MMS22L: variants seen among roughly 807,000 people sequenced by gnomAD.
MMS22L encodes protein MMS22-like.
In MMS22L, 74 loss-of-function variants were observed where a neutral mutation model predicts 159.1. The observed-to-expected ratio is 0.47, with a 90% CI of 0.39 to 0.56. The LOEUF is 0.56. Among genes scored for constraint, MMS22L ranks in the 20% least tolerant of loss-of-function variants. MMS22L has a pLI of 0.00. For missense variants in MMS22L, 1,351 were observed against 1,422.1 expected (o/e 0.95, Z 0.80); for synonymous variants, 517 against 506.9 (o/e 1.02, Z -0.27).
At chr6:97,249,208 T>G (rs998654566) in intron 10 of MMS22L, among the ~76,000 whole-genome samples, 3 of 152,194 alleles carry the variant, frequency 2.0e-5, no homozygotes, top group Admixed American at 2.0e-4. Flanking sequence ...CAACACTCCC[T>G]GCATACTGTC....
chr6:97,267,822 G>C (rs749696070), intron 8 of MMS22L, 50 bp downstream of exon 8: 3 of 1,486,398 alleles, frequency 2.0e-6, no homozygotes, highest in Non-Finnish European at 2.7e-6. Context: ...ATGCATTAAG[G>C]ACTGAATACT....
At chr6:97,160,130 TTAAGA>T (rs1055175864) in intron 22 of MMS22L, among the ~76,000 whole-genome samples, 3 of 151,830 alleles carry the variant, frequency 2.0e-5, no homozygotes, top group African/African-American at 7.2e-5. Context: ...TAAAAACCAG[TTAAGA>T]TAATAAAGAT....
At chr6:97,200,826 A>G (rs572595914) in intron 14 of MMS22L, among the ~76,000 whole-genome samples, 214 of 152,250 alleles carry the variant, frequency 1.4e-3, no homozygotes, top group Middle Eastern at 6.8e-3. Flanking sequence ...CTTTGTTACC[A>G]TCCTGTGAAT....
chr6:97,226,852 AG>A (rs1466883304), intron 14 of MMS22L, among the ~76,000 whole-genome samples: 1 of 152,042 alleles, frequency 6.6e-6, no homozygotes, highest in East Asian at 1.9e-4. Context: ...AGTTGTCTTG[AG>A]CACTGTAGAG....
intron 18 of MMS22L, among the ~76,000 whole-genome samples, chr6:97,175,187 T>G (rs1803995131): frequency 6.6e-6 from 1 of 152,214 alleles, no homozygotes; most frequent in African/African-American, 2.4e-5. Flanking sequence ...AGTGAAAGAC[T>G]ATTTCCCAAA....
chr6:97,181,753 G>A lies in MMS22L; in HGVS notation c.2384+151C>T, dbSNP rs544542339. ...TAGTGTTCTTACTATTACTACTGTC[G>A]AAAGGCTGATATATCTGAAAGCAAA... On this transcript the variant is annotated intron_variant, in intron 16 of 24. Transcript: ENST00000683635. 721 of 665,660 alleles carry A rather than the reference G, an allele frequency of 1.1e-3. 1 individual carries two copies. The highest frequency in any genetic ancestry group is 1.4e-3 in the Non-Finnish European group (611 of 440,018). 41.2% of individuals were successfully genotyped at this position (665,660 alleles called of 1,614,324 possible).
chr6:97,192,167 CGGAT>C (rs111699319), intron 14 of MMS22L, among the ~76,000 whole-genome samples: 62,925 of 148,150 alleles, frequency 0.42, 13,552 homozygotes, highest in South Asian at 0.53. Context: ...AGGTGGTAGA[CGGAT>C]GGATGGATGG....
intron 14 of MMS22L, among the ~76,000 whole-genome samples, chr6:97,197,080 C>T (rs189552257): frequency 2.6e-5 from 4 of 152,154 alleles, no homozygotes; most frequent in East Asian, 1.9e-4. Context: ...AAAATTTTCA[C>T]GCTGGATGTT....
chr6:97,175,143 T>C (rs1421606875), intron 18 of MMS22L, among the ~76,000 whole-genome samples: 1 of 152,188 alleles, frequency 6.6e-6, no homozygotes, highest in Non-Finnish European at 1.5e-5. Flanking sequence ...CATTGAAAAG[T>C]GATAATGAAC....
In MMS22L at chr6:97,275,656, GA is replaced by G. The variant is rs536933292; in HGVS notation, c.341-2595del. 9.9e-5 allele frequency among the ~76,000 whole-genome samples: 15 copies of G among 151,984 alleles called. No homozygotes were observed. The East Asian group carries it at 2.3e-3, about 23-fold the overall frequency. On this transcript the variant is annotated intron_variant, in intron 4 of 24. Transcript: ENST00000683635. ...AAAAAATCCATAAGGAATGTCTAGA[GA>G]AAAAAAACACACACACAATAGCTGA...
chr6:97,145,966 A>G lies in MMS22L; in HGVS notation c.*840T>C, dbSNP rs1428703466. On this transcript the variant is annotated 3_prime_UTR_variant, in exon 25 of 25. Coordinates refer to ENST00000683635, the MANE Select transcript of MMS22L (RefSeq NM_001350599.2). Reference sequence around the variant, plus strand: ...GGTTTCTTGGATAAAATGCTAAGTTATAAGAAGCTCTGGCTAAAGAGCAAG... The same window carrying G: ...GGTTTCTTGGATAAAATGCTAAGTTGTAAGAAGCTCTGGCTAAAGAGCAAG... The G allele has an allele frequency of 6.6e-6, 1 of 152,204 alleles. No homozygotes were observed. The highest frequency in any genetic ancestry group is 2.4e-5 in the African/African-American group (1 of 41,472). 9.4% of individuals were successfully genotyped at this position (152,204 alleles called of 1,614,324 possible).
chr6:97,244,923 G>A (rs1175958679), intron 11 of MMS22L, among the ~76,000 whole-genome samples: 3 of 151,924 alleles, frequency 2.0e-5, no homozygotes, highest in Admixed American at 6.6e-5. Flanking sequence ...AATTATGTTC[G>A]AAGGGGAATT....
chr6:97,168,271 T>C (rs1803183042), intron 19 of MMS22L, 31 bp from the exon 20 acceptor site: 1 of 1,603,992 alleles, frequency 6.2e-7, no homozygotes, highest in Middle Eastern at 1.7e-4. Flanking sequence ...CAGCATGTTG[T>C]TGTTATCCTC....
intron 15 of MMS22L, 54 bp from the exon 16 acceptor site, chr6:97,182,108 G>A: frequency 6.8e-7 from 1 of 1,469,778 alleles, no homozygotes; most frequent in Non-Finnish European, 9.2e-7. Context: ...AACCATTTCT[G>A]ACCCACACAC....
At chr6:97,215,997 G>A (rs1405841505) in intron 14 of MMS22L, among the ~76,000 whole-genome samples, 1 of 152,068 alleles carries the variant, frequency 6.6e-6, no homozygotes, top group Non-Finnish European at 1.5e-5. Context: ...GAAATTAAGA[G>A]TTTCAAATGC....
rs141038891 is a variant in MMS22L at position 97,269,918 on chromosome 6, C to T, written c.681G>A (p.Met227Ile). Residue 227 changes from methionine (M) to isoleucine (I), a missense_variant, in exon 7 of 25, where the codon ATG becomes ATA. Coordinates refer to ENST00000683635, the MANE Select transcript of MMS22L (RefSeq NM_001350599.2). ...IHWLVLEILY[M>I]LGEKLKQVVY... ...TAAACTTACTCAATTTTTCACCCAG[C>T]ATGTAAAGAATTTCTAGCACCAGCC... is the stretch of plus-strand genomic sequence containing the variant. 3.3e-4 allele frequency: 526 copies of T among 1,608,680 alleles called. 2 individuals are homozygous for T. Among genetic ancestry groups the T allele is most frequent in the Non-Finnish European group, 4.0e-4 (472 of 1,176,834 alleles).
chr6:97,269,929 T>C lies in MMS22L; in HGVS notation c.670A>G (p.Ile224Val), dbSNP rs567384769. ...HLDIHWLVLEILYMLGEKLKQ... is the reference protein window; with the variant it reads ...HLDIHWLVLEVLYMLGEKLKQ... Reference sequence around the variant, plus strand: ...AATTTTTCACCCAGCATGTAAAGAATTTCTAGCACCAGCCAATGTATATCC... The same window carrying C: ...AATTTTTCACCCAGCATGTAAAGAACTTCTAGCACCAGCCAATGTATATCC... Residue 224 changes from isoleucine (I) to valine (V), a missense_variant, in exon 7 of 25, where the codon ATT (isoleucine) becomes GTT (valine). Transcript: ENST00000683635. 3.1e-6 allele frequency: 5 copies of C among 1,611,728 alleles called. No individual in the cohort carries two copies. The highest frequency in any genetic ancestry group is 2.7e-5 in the African/African-American group (2 of 75,006).
At chr6:97,174,560 A>C (rs1385368366) in intron 18 of MMS22L, among the ~76,000 whole-genome samples, 2 of 152,142 alleles carry the variant, frequency 1.3e-5, no homozygotes, top group Non-Finnish European at 2.9e-5. Flanking sequence ...ATTATGGTGA[A>C]TAGGGAAGGA....
chr6:97,265,300 C>G (rs1463653648), intron 8 of MMS22L: 1 of 152,158 alleles, frequency 6.6e-6, no homozygotes, highest in Admixed American at 6.5e-5. Context: ...ACTGGATATC[C>G]ACATACAGAA....
Sources: allele counts gnomAD v4.1 joint callset (sites outside exome capture counted in the v4.1 genomes callset), GRCh38; gene constraint gnomAD v4.1.1; transcripts MANE v1.5; gene names NCBI Gene and HGNC (gene_info 2026-07-23, HGNC 2026-07-21).